The following FGGY variants were observed in gnomAD, a reference collection of about 807,000 sequenced individuals.
FGGY encodes FGGY carbohydrate kinase domain containing, also known as FGGY carbohydrate kinase domain-containing protein.
Under a neutral mutation model 71.3 loss-of-function variants are expected in FGGY, and 72 were observed. The ratio of observed to expected loss-of-function variants is 1.01; its 90% confidence interval spans 0.84 to 1.23. The LOEUF (loss-of-function observed/expected upper bound fraction) is 1.23. Ranked by LOEUF, FGGY falls within the 50% of genes most tolerant of loss-of-function variation. The probability of loss-of-function intolerance (pLI) is 0.00; values close to 1 mark genes in which losing one functional copy is unlikely to be tolerated. For synonymous variants in FGGY, 251 were observed against 250.3 expected (o/e 1.00, Z -0.02); for missense variants, 668 against 682.3 (o/e 0.98, Z 0.23).
At chr1:59,552,635 C>T (rs2095626116) in intron 7 of FGGY, among the ~76,000 whole-genome samples, 1 of 152,160 alleles carries the variant, frequency 6.6e-6, no homozygotes, top group Non-Finnish European at 1.5e-5. Context: ...GTTTACCTGG[C>T]TAACTTCTGC....
In FGGY at chr1:59,614,768, A is replaced by G. The variant is rs546675196; in HGVS notation, c.1011+6858A>G. Among the ~76,000 whole-genome samples, 6 of 152,270 alleles carry G rather than the reference A, an allele frequency of 3.9e-5. No homozygotes were observed. The South Asian group carries it at 1.2e-3, about 32-fold the overall frequency. The stretch of plus-strand genomic sequence containing the variant: ...GAAAACCCCATCATCTCAGCCCAAA[A>G]TCTCCTTAAGCTGATAAGCAACTTC... On this transcript the variant is annotated intron_variant, in intron 9 of 15. Transcript: ENST00000303721.
chr1:59,345,690 C>T (rs551036326), intron 3 of FGGY, among the ~76,000 whole-genome samples: 134 of 151,552 alleles, frequency 8.8e-4, no homozygotes, highest in African/African-American at 3.1e-3. Flanking sequence ...GAGCTTCCCA[C>T]GCCAGCAAAC....
chr1:59,667,311 T>C lies in FGGY; in HGVS notation c.1325T>C (p.Met442Thr). 3.1e-6 allele frequency: 5 copies of C among 1,614,190 alleles called. No individual in the cohort carries two copies. In the South Asian group the frequency reaches 4.4e-5, roughly 14 times the overall value. The part of the protein sequence containing the change: ...ALGTRFIIEA[M>T]EAAGHSISTL... ...GGGACTCGCTTCATTATAGAAGCCA[T>C]GGAGGCAGCAGGGCACTCAATCAGT... Residue 442 changes from methionine to threonine, a missense_variant, in exon 13 of 16, where the codon ATG (methionine) becomes ACG (threonine). Transcript: ENST00000303721.
At chr1:59,527,064 T>C (rs1351130390) in intron 7 of FGGY, among the ~76,000 whole-genome samples, 1 of 152,242 alleles carries the variant, frequency 6.6e-6, no homozygotes, top group African/African-American at 2.4e-5. Flanking sequence ...ACCTATCTGT[T>C]CAAATAGCTT....
intron 13 of FGGY, among the ~76,000 whole-genome samples, chr1:59,667,843 T>C (rs1420153545): frequency 6.6e-6 from 1 of 152,168 alleles, no homozygotes; most frequent in African/African-American, 2.4e-5. Flanking sequence ...TGGCAAAAGC[T>C]TGGCGTGAGA....
chr1:59,380,959 A>G (rs546920835), intron 5 of FGGY, among the ~76,000 whole-genome samples: 1 of 152,074 alleles, frequency 6.6e-6, no homozygotes, highest in South Asian at 2.1e-4. Context: ...ATCTTGAATT[A>G]ATTTTTGTAT....
chr1:59,588,263 G>T (rs940517696), intron 8 of FGGY, among the ~76,000 whole-genome samples: 2 of 152,120 alleles, frequency 1.3e-5, no homozygotes, highest in South Asian at 4.2e-4. Context: ...AAAAAGAAAC[G>T]AACAAAGCCT....
chr1:59,305,388 A>G (rs1008148566), intron 1 of FGGY, among the ~76,000 whole-genome samples: 1 of 152,202 alleles, frequency 6.6e-6, no homozygotes, highest in Non-Finnish European at 1.5e-5. Flanking sequence ...CCATCCTTGC[A>G]TTACAAGGAT....
Position 59,581,656 on chromosome 1 carries a change from G to A in FGGY, c.904-26147G>A, listed in dbSNP as rs1456335867. On this transcript the variant is annotated intron_variant, in intron 8 of 15. Transcript: ENST00000303721. ...GTCTACCCTGTCCAATTAAAAGTCA[G>A]TGGACATTTGTTGAATAACTGCTAT... Among the ~76,000 whole-genome samples, 3 of 150,024 alleles carry A rather than the reference G, an allele frequency of 2.0e-5. No individual in the cohort carries two copies. In the East Asian group the frequency reaches 5.8e-4, roughly 29 times the overall value.
At chr1:59,319,872 T>G (rs553535355) in intron 1 of FGGY, among the ~76,000 whole-genome samples, 1 of 152,188 alleles carries the variant, frequency 6.6e-6, no homozygotes, top group South Asian at 2.1e-4. Context: ...GAGGGACTGC[T>G]GGGGGGAAGG....
At chr1:59,576,068 TGTG>T (rs1205835162) in intron 8 of FGGY, among the ~76,000 whole-genome samples, 6 of 152,206 alleles carry the variant, frequency 3.9e-5, no homozygotes, top group Non-Finnish European at 7.4e-5. Context: ...GCTGAACAGT[TGTG>T]GTGATAAAAA....
chr1:59,756,620 G>T (rs993557589), intron 14 of FGGY, among the ~76,000 whole-genome samples: 1 of 152,216 alleles, frequency 6.6e-6, no homozygotes, highest in Non-Finnish European at 1.5e-5. Context: ...CTTGGCACGT[G>T]AAAGGGAGGC....
chr1:59,501,795 A>G (rs2094232291), intron 6 of FGGY, among the ~76,000 whole-genome samples: 2 of 152,284 alleles, frequency 1.3e-5, no homozygotes, highest in Admixed American at 1.3e-4. Flanking sequence ...AACAGCTTTC[A>G]CAGGTTCTGC....
chr1:59,448,071 T>G (rs2071736551), intron 5 of FGGY, among the ~76,000 whole-genome samples: 1 of 152,050 alleles, frequency 6.6e-6, no homozygotes, highest in African/African-American at 2.4e-5. Context: ...GGGTAATCAT[T>G]TTGCTTCTGG....
intron 5 of FGGY, among the ~76,000 whole-genome samples, chr1:59,401,358 C>A (rs2061945063): frequency 1.3e-5 from 2 of 152,104 alleles, no homozygotes; most frequent in Non-Finnish European, 2.9e-5. Flanking sequence ...CAATAAATTC[C>A]AAACTGCTTT....
At chr1:59,587,635 T>A (rs1424573321) in intron 8 of FGGY, among the ~76,000 whole-genome samples, 2 of 152,160 alleles carry the variant, frequency 1.3e-5, no homozygotes, top group East Asian at 1.9e-4. Context: ...CATTCGCGGT[T>A]CACGATAATC....
At chr1:59,494,036 G>A (rs532872830) in intron 6 of FGGY, among the ~76,000 whole-genome samples, 1 of 152,254 alleles carries the variant, frequency 6.6e-6, no homozygotes, top group South Asian at 2.1e-4. Flanking sequence ...TCAGTTCTGG[G>A]AGGAAGGCAG....
At chr1:59,394,141 A>G (rs1288242757) in intron 5 of FGGY, among the ~76,000 whole-genome samples, 4 of 152,244 alleles carry the variant, frequency 2.6e-5, no homozygotes. Flanking sequence ...AGTGCCAATA[A>G]TGGGCCTAGT....
At chr1:59,552,159 A>G (rs779369054) in intron 7 of FGGY, among the ~76,000 whole-genome samples, 4 of 152,162 alleles carry the variant, frequency 2.6e-5, no homozygotes, top group African/African-American at 9.7e-5. Flanking sequence ...TGCTGGAGCC[A>G]TGGCAGCCCT....
Sources: gnomAD v4.1 joint callset for allele counts (sites outside exome capture counted in the v4.1 genomes callset) on GRCh38, gnomAD v4.1.1 for gene constraint, MANE v1.5 for transcripts, NCBI Gene and HGNC (gene_info 2026-07-23, HGNC 2026-07-21) for gene names.